SYT14: variants seen among roughly 807,000 people sequenced by gnomAD.
SYT14 encodes synaptotagmin-14.
A neutral mutation model predicts 74.2 loss-of-function variants in SYT14; 32 were observed. That is an observed-to-expected ratio of 0.43 (90% confidence interval 0.33 to 0.58). The LOEUF (loss-of-function observed/expected upper bound fraction) is 0.58. Ranked by LOEUF, SYT14 falls within the 20% of genes least tolerant of loss-of-function variation. The probability of loss-of-function intolerance (pLI) is 0.05; values close to 1 mark genes in which losing one functional copy is unlikely to be tolerated. For missense variants in SYT14, 791 were observed against 981.8 expected, an observed-to-expected ratio of 0.81 and a Z score of 2.60; for synonymous variants, 298 against 337.7, an observed-to-expected ratio of 0.88 and a Z score of 1.29.
intron 7 of SYT14, among the ~76,000 whole-genome samples, chr1:210,153,824 A>G (rs1288602260): frequency 1.3e-5 from 2 of 152,168 alleles, no homozygotes; most frequent in Non-Finnish European, 2.9e-5. Context: ...GGCAATTTCA[A>G]AGGGGAAACA....
intron 7 of SYT14, among the ~76,000 whole-genome samples, chr1:210,124,984 T>G (rs76795094): frequency 6.6e-6 from 1 of 152,236 alleles, no homozygotes; most frequent in East Asian, 1.9e-4. Context: ...GAAGTTAAAG[T>G]GAAGGCAGAG....
At chr1:210,076,466 A>C (rs2081502497) in intron 5 of SYT14, among the ~76,000 whole-genome samples, 2 of 152,198 alleles carry the variant, frequency 1.3e-5, no homozygotes, top group African/African-American at 4.8e-5. Flanking sequence ...ACTACTACTC[A>C]TCTACTTTCT....
intron 5 of SYT14, among the ~76,000 whole-genome samples, chr1:210,080,339 G>T (rs10863809): frequency 0.05 from 7,583 of 152,272 alleles, 1,038 homozygotes; most frequent in East Asian, 0.42. Flanking sequence ...CATGTAGTCA[G>T]ATTAGAAGGA....
chr1:210,127,292 C>G (rs1013043207), intron 7 of SYT14, among the ~76,000 whole-genome samples: 1 of 152,194 alleles, frequency 6.6e-6, no homozygotes, highest in African/African-American at 2.4e-5. Context: ...CTTGAGCAAT[C>G]TATAAGTGGA....
chr1:210,079,104 T>C (rs1490726379), intron 5 of SYT14, among the ~76,000 whole-genome samples: 1 of 152,136 alleles, frequency 6.6e-6, no homozygotes, highest in African/African-American at 2.4e-5. Context: ...AATCATTGTT[T>C]TTTTTTAGCC....
At position 210,016,756 on chromosome 1, in the gene SYT14, TC is replaced by T. The variant is rs2080192077; in HGVS notation, c.756del (p.Asp253IlefsTer2). On this transcript the variant is annotated frameshift_variant, in exon 4 of 10. Transcript: ENST00000637265. LOFTEE classifies it high-confidence loss of function. ...GGCATTTCAATAAATGTAAACATCT[TC>T]CCGATTTAGGGCATTCAGATCATTT... 8.1e-7 allele frequency: 1 copy of T among 1,231,718 alleles called. No homozygotes were observed. Among genetic ancestry groups the T allele is most frequent in the African/African-American group, 1.6e-5 (1 of 64,394 alleles). 76.3% of individuals were successfully genotyped at this position (1,231,718 alleles called of 1,614,324 possible). A position where few individuals can be genotyped will look rare whatever the true frequency, so the allele number is the denominator to read the frequency against.
chr1:210,059,451 T>TATATATATATATATATAGAG (rs377050610), intron 5 of SYT14, among the ~76,000 whole-genome samples: 33 of 69,880 alleles, frequency 4.7e-4, no homozygotes, highest in Non-Finnish European at 6.3e-4. Context: ...TATATATATA[T>TATATATATATATATATAGAG]AGAGAGAGAG....
chr1:210,029,026 C>T (rs1016374468), intron 5 of SYT14, among the ~76,000 whole-genome samples: 28 of 152,162 alleles, frequency 1.8e-4, no homozygotes, highest in Admixed American at 9.8e-4. Flanking sequence ...TAATTATTAG[C>T]GACACTGAAC....
At chr1:209,945,755 G>C (rs1388330687) in intron 1 of SYT14, among the ~76,000 whole-genome samples, 1 of 152,174 alleles carries the variant, frequency 6.6e-6, no homozygotes. Context: ...TTTTGAAAAG[G>C]ACTCTTAGAT....
chr1:209,972,618 A>G (rs1481263146), intron 2 of SYT14, among the ~76,000 whole-genome samples: 1 of 152,206 alleles, frequency 6.6e-6, no homozygotes, highest in Non-Finnish European at 1.5e-5. Flanking sequence ...AAAGTCACTC[A>G]GTAGCAAGTT....
At chr1:210,038,212 T>A (rs2080710975) in intron 5 of SYT14, among the ~76,000 whole-genome samples, 1 of 152,090 alleles carries the variant, frequency 6.6e-6, no homozygotes, top group Non-Finnish European at 1.5e-5. Context: ...TAAAGTCTGT[T>A]TTATCTGATA....
chr1:210,104,785 C>G (rs2082129444), intron 7 of SYT14, among the ~76,000 whole-genome samples: 1 of 152,168 alleles, frequency 6.6e-6, no homozygotes, highest in Admixed American at 6.5e-5. Flanking sequence ...CCTGTACAAA[C>G]AGTACTTAAT....
At chr1:210,124,277 TATAAA>T (rs1421635536) in intron 7 of SYT14, among the ~76,000 whole-genome samples, 1 of 148,274 alleles carries the variant, frequency 6.7e-6, no homozygotes, top group Non-Finnish European at 1.5e-5. Context: ...CTCCAGGAAA[TATAAA>T]AGGAAAATAG....
At chr1:210,067,573 A>G (rs962664903) in intron 5 of SYT14, among the ~76,000 whole-genome samples, 7 of 152,082 alleles carry the variant, frequency 4.6e-5, no homozygotes, top group South Asian at 2.1e-4. Flanking sequence ...GAAACATTAT[A>G]TAGATTTGAA....
chr1:209,960,633 G>T (rs1032410057), intron 2 of SYT14, among the ~76,000 whole-genome samples: 2 of 152,074 alleles, frequency 1.3e-5, no homozygotes, highest in Non-Finnish European at 2.9e-5. Flanking sequence ...TTTGAATGCT[G>T]CTCATCACTA....
At chr1:209,982,474 C>A (rs1009430648) in intron 2 of SYT14, among the ~76,000 whole-genome samples, 2 of 152,266 alleles carry the variant, frequency 1.3e-5, no homozygotes, top group East Asian at 3.9e-4. Flanking sequence ...TTTTGTGTGA[C>A]TGGGTTAGTT....
At chr1:209,944,205 GT>G (rs917710605) in intron 1 of SYT14, among the ~76,000 whole-genome samples, 21 of 152,150 alleles carry the variant, frequency 1.4e-4, no homozygotes, top group African/African-American at 5.1e-4. Flanking sequence ...AAAAGGTTTT[GT>G]TTTATTGTCA....
intron 1 of SYT14, 50 bp downstream of exon 1, chr1:209,938,327 C>T (rs376288496): frequency 8.6e-6 from 13 of 1,519,724 alleles, no homozygotes; most frequent in East Asian, 5.4e-5. Flanking sequence ...ACCCAGCTGG[C>T]GGGGGGCTCG....
rs189839396 is a variant in SYT14, at chr1:209,939,306, A to T, written c.-534+1029A>T. On this transcript the variant is annotated intron_variant, in intron 1 of 9. Coordinates refer to ENST00000637265, the Ensembl canonical transcript of SYT14. Reference sequence around the variant, plus strand: ...TGTGCAAGGTACCTATAGCTATATCATTATTTCTCTACATTGAAAGTGTGT... The same window carrying T: ...TGTGCAAGGTACCTATAGCTATATCTTTATTTCTCTACATTGAAAGTGTGT... Among the ~76,000 whole-genome samples, 22 of 152,334 alleles carry T rather than the reference A, an allele frequency of 1.4e-4. No homozygotes were observed. The East Asian group carries it at 3.7e-3, about 25-fold the overall frequency.
Sources: gnomAD v4.1 joint callset for allele counts (sites outside exome capture counted in the v4.1 genomes callset) on GRCh38, gnomAD v4.1.1 for gene constraint, MANE v1.5 for transcripts, NCBI Gene and HGNC (gene_info 2026-07-23, HGNC 2026-07-21) for gene names.